Variants in AMTN observed in about 807,000 individuals in gnomAD.
AMTN encodes the protein RSTI689.
AMTN carries 29 observed loss-of-function variants against 27.4 expected under a neutral mutation model. That is an observed-to-expected ratio of 1.06 (90% CI 0.79 to 1.44). The LOEUF is 1.44. AMTN is among the 40% of genes most tolerant of loss of function. The pLI is 0.00. For synonymous variants in AMTN, 86 were observed against 95.7 expected, an observed-to-expected ratio of 0.90 and a Z score of 0.59; for missense variants, 247 against 248.8, an observed-to-expected ratio of 0.99 and a Z score of 0.05.
At chr4:70,523,316 C>T (rs1258088818) in intron 3 of AMTN, among the ~76,000 whole-genome samples, 1 of 152,152 alleles carries the variant, frequency 6.6e-6, no homozygotes, top group Non-Finnish European at 1.5e-5. Flanking sequence ...TCTGTTTCTT[C>T]AAAGCGTATT....
At chr4:70,521,897 C>T (rs983637283) in intron 2 of AMTN, among the ~76,000 whole-genome samples, 36 of 152,054 alleles carry the variant, frequency 2.4e-4, no homozygotes, top group African/African-American at 7.7e-4. Context: ...TGGGATTACA[C>T]GGTGGCATGA....
At chr4:70,523,210 AG>A (rs1736018713) in intron 3 of AMTN, among the ~76,000 whole-genome samples, 1 of 152,230 alleles carries the variant, frequency 6.6e-6, no homozygotes, top group South Asian at 2.1e-4. Flanking sequence ...CAGCAATAGC[AG>A]GGAATCAGAG....
chr4:70,529,899 G>C (rs895569121), intron 7 of AMTN, among the ~76,000 whole-genome samples: 2 of 152,022 alleles, frequency 1.3e-5, no homozygotes, highest in African/African-American at 4.8e-5. Flanking sequence ...CAAGGAATGG[G>C]GCTAGTGTCT....
intron 2 of AMTN, among the ~76,000 whole-genome samples, chr4:70,519,218 G>T (rs1432304177): frequency 1.3e-5 from 2 of 152,152 alleles, no homozygotes; most frequent in East Asian, 3.9e-4. Flanking sequence ...TTTCTACTTG[G>T]AAATGCTAAA....
intron 2 of AMTN, among the ~76,000 whole-genome samples, chr4:70,520,815 G>A (rs1472937362): frequency 6.6e-6 from 1 of 152,162 alleles, no homozygotes; most frequent in African/African-American, 2.4e-5. Context: ...ACAGCAGTCA[G>A]GTTTGGCCTC....
intron 2 of AMTN, among the ~76,000 whole-genome samples, chr4:70,519,916 G>A (rs1192839007): frequency 1.4e-5 from 2 of 143,324 alleles, no homozygotes; most frequent in Admixed American, 6.8e-5. Flanking sequence ...CTACATACGT[G>A]TGTGTGTGTG....
At chr4:70,524,026 A>G (rs1577932962) in intron 4 of AMTN, 93 bp downstream of exon 4, 2 of 1,015,740 alleles carry the variant, frequency 2.0e-6, no homozygotes, top group African/African-American at 1.6e-5. Flanking sequence ...GGGTGCGTAT[A>G]TCCACAAATG....
rs767909473 is a variant in AMTN, at chr4:70,532,464, A to G, written c.629A>G (p.Ter210=). The G allele has an allele frequency of 1.2e-6, 2 of 1,606,118 alleles. No homozygotes were observed. Among genetic ancestry groups the G allele is most frequent in the Non-Finnish European group, 1.7e-6 (2 of 1,175,262 alleles). ...ATTESANGIQ[*] ...TTTTATTTTCTTCCAGGAATTCAGT[A>G]AGCTGTTTCAAATTTTTTCAACTAA... is the stretch of plus-strand genomic sequence containing the variant. Residue 210 remains the stop codon, a stop_retained_variant, in exon 9 of 9, where the codon TAA becomes TGA. Coordinates refer to ENST00000339336, the MANE Select transcript of AMTN (RefSeq NM_212557.4).
chr4:70,522,902 C>T lies in AMTN; in HGVS notation c.138+64C>T, dbSNP rs577753771. 447 of 1,513,382 alleles carry T rather than the reference C, an allele frequency of 3.0e-4. 4 individuals carry two copies. The South Asian group carries it at 4.7e-3, about 16-fold the overall frequency. The allele number at this position is 1,513,382 out of a possible 1,614,324, so 93.7% of individuals were successfully genotyped here. ...AAGAAAATACGGAACATGTACAAAC[C>T]GGTAAAGAAAACACGTTAAGACTGG... On this transcript the variant is annotated intron_variant, in intron 3 of 8. Coordinates refer to ENST00000339336, the MANE Select transcript of AMTN (RefSeq NM_212557.4).
intron 2 of AMTN, among the ~76,000 whole-genome samples, chr4:70,521,204 C>T (rs902106804): frequency 1.3e-5 from 2 of 151,986 alleles, no homozygotes; most frequent in Admixed American, 6.6e-5. Context: ...TATGGTGAAA[C>T]ACCGTCCCTA....
intron 7 of AMTN, among the ~76,000 whole-genome samples, chr4:70,530,385 G>A (rs1736195025): frequency 6.6e-6 from 1 of 152,152 alleles, no homozygotes; most frequent in Non-Finnish European, 1.5e-5. Flanking sequence ...GAAAACGTCT[G>A]TACTCTGCTC....
chr4:70,529,562 TA>T (rs2109774738), intron 7 of AMTN, among the ~76,000 whole-genome samples: 1 of 152,346 alleles, frequency 6.6e-6, no homozygotes, highest in African/African-American at 2.4e-5. Flanking sequence ...ATTGACTTTT[TA>T]CAGGAAAGAT....
At chr4:70,522,635 C>A in intron 2 of AMTN, 120 bp from the exon 3 acceptor site, 1 of 975,154 alleles carries the variant, frequency 1.0e-6, no homozygotes. Context: ...TCAAACTCCT[C>A]TAAAATACAC....
chr4:70,519,711 C>T (rs868299623), intron 2 of AMTN, among the ~76,000 whole-genome samples: 1 of 120,396 alleles, frequency 8.3e-6, no homozygotes, highest in African/African-American at 2.9e-5. Flanking sequence ...TTTTTTTTAA[C>T]TTTTTTTTTA....
chr4:70,530,135 T>C (rs940176876), intron 7 of AMTN, among the ~76,000 whole-genome samples: 2 of 152,176 alleles, frequency 1.3e-5, no homozygotes, highest in African/African-American at 4.8e-5. Flanking sequence ...CCAGATCCAA[T>C]GCCATTTTTT....
chr4:70,523,168 G>A (rs1342049856), intron 3 of AMTN, among the ~76,000 whole-genome samples: 1 of 152,152 alleles, frequency 6.6e-6, no homozygotes, highest in Non-Finnish European at 1.5e-5. Flanking sequence ...ATGGACTTGA[G>A]GTACTGTGGC....
rs1255609442 is a variant in AMTN at position 70,523,866 on chromosome 4, AG to A, written c.139del. 6.2e-7 allele frequency: 1 copy of A among 1,613,200 alleles called. No homozygotes were observed. The highest frequency in any genetic ancestry group is 8.5e-7 in the Non-Finnish European group (1 of 1,179,358). On this transcript the variant is annotated splice_acceptor_variant, in intron 3 of 8. Coordinates refer to ENST00000339336, the MANE Select transcript of AMTN (RefSeq NM_212557.4). LOFTEE classifies it high-confidence loss of function. ...TCATACATCACTTTCAATCCCCTGCAGGTCTTTCCTTCTTTAAGTCTGATAC... is the reference window on the plus strand; with the variant it reads ...TCATACATCACTTTCAATCCCCTGCAGTCTTTCCTTCTTTAAGTCTGATAC...
chr4:70,520,208 C>T (rs564513162), intron 2 of AMTN, among the ~76,000 whole-genome samples: 4 of 152,270 alleles, frequency 2.6e-5, no homozygotes, highest in African/African-American at 7.2e-5. Flanking sequence ...CAGCAGATTG[C>T]TAATAGACAA....
At chr4:70,519,078 G>A (rs28485033) in intron 2 of AMTN, among the ~76,000 whole-genome samples, 17,640 of 152,248 alleles carry the variant, frequency 0.12, 1,265 homozygotes, top group Middle Eastern at 0.23. Flanking sequence ...TTTTGGCAGA[G>A]CAATAGGCTA....
Sources: allele counts gnomAD v4.1 joint callset (sites outside exome capture counted in the v4.1 genomes callset), GRCh38; gene constraint gnomAD v4.1.1; transcripts MANE v1.5; gene names NCBI Gene and HGNC (gene_info 2026-07-23, HGNC 2026-07-21).